BTG1: variants seen among roughly 807,000 people sequenced by gnomAD.
BTG1 encodes the protein protein BTG1.
In BTG1, 2 loss-of-function variants were observed where a neutral mutation model predicts 15.2. The ratio of observed to expected loss-of-function variants is 0.13; its 90% CI spans 0.05 to 0.41. The LOEUF is 0.41. Among genes scored for constraint, BTG1 ranks in the 10% least tolerant of loss-of-function variants. BTG1 has a pLI of 0.99. For missense variants in BTG1, 149 were observed against 215.0 expected, an observed-to-expected ratio of 0.69 and a Z score of 1.92; for synonymous variants, 109 against 82.4, an observed-to-expected ratio of 1.32 and a Z score of -1.75.
chr12:92,145,126 T>G lies in BTG1; in HGVS notation c.148+262A>C, dbSNP rs376908485. 1.7e-4 allele frequency: 58 copies of G among 341,992 alleles called. No individual in the cohort carries two copies. In the East Asian group the frequency reaches 3.0e-3, roughly 17 times the overall value. 21.2% of individuals were successfully genotyped at this position (341,992 alleles called of 1,614,324 possible). A position where few individuals can be genotyped will look rare whatever the true frequency, so the allele number is the denominator to read the frequency against. ...CCTCGGACCGCAGCTCCCGCCTCGGTGGGCTTAAGTTTCTTTGTTGTGCGT... is the reference window on the plus strand; with the variant it reads ...CCTCGGACCGCAGCTCCCGCCTCGGGGGGCTTAAGTTTCTTTGTTGTGCGT... On this transcript the variant is annotated intron_variant, in intron 1 of 1. Transcript: ENST00000256015.
Position 92,142,644 on chromosome 12 carries a change from A to G in BTG1, c.*1436T>C, listed in dbSNP as rs1260295864. On this transcript the variant is annotated 3_prime_UTR_variant, in exon 2 of 2. Transcript: ENST00000256015. The stretch of plus-strand genomic sequence containing the variant: ...TCCAGCTTATGTGATTTTTATGTAC[A>G]TCTTGCAGGTGATGAAAAGCAAAAA... 4.3e-6 allele frequency: 1 copy of G among 232,980 alleles called. No individual in the cohort carries two copies. The highest frequency in any genetic ancestry group is 8.5e-6 in the Non-Finnish European group (1 of 117,960). 14.4% of individuals were successfully genotyped at this position (232,980 alleles called of 1,614,324 possible). A position where few individuals can be genotyped will look rare whatever the true frequency, so the allele number is the denominator to read the frequency against.
Position 92,143,026 on chromosome 12 carries a change from C to G in BTG1, c.*1054G>C, listed in dbSNP as rs1870351746. 1 of 232,784 alleles carries G rather than the reference C, an allele frequency of 4.3e-6. No individual in the cohort carries two copies. Among genetic ancestry groups the G allele is most frequent in the South Asian group, 1.8e-4 (1 of 5,524 alleles). 14.4% of individuals were successfully genotyped at this position (232,784 alleles called of 1,614,324 possible). On this transcript the variant is annotated 3_prime_UTR_variant, in exon 2 of 2. Coordinates refer to ENST00000256015, the MANE Select transcript of BTG1 (RefSeq NM_001731.3). The stretch of plus-strand genomic sequence containing the variant: ...TCTTCATTCCTCATCAAATGTTTTT[C>G]CAGCATGACCAGTGTGCAACAGAGA...
rs572696774 is a variant in BTG1, at chr12:92,142,318, G to A, written c.*1762C>T. On this transcript the variant is annotated 3_prime_UTR_variant, in exon 2 of 2. Transcript: ENST00000256015. ...AATTACTAATTTTATTTCAGACTGC[G>A]TATTTCCAGTGTCAACATGTTTACA... 4.2e-4 allele frequency: 97 copies of A among 230,450 alleles called. No homozygotes were observed. The highest frequency in any genetic ancestry group is 1.0e-3 in the Admixed American group (18 of 17,716). 14.3% of individuals were successfully genotyped at this position (230,450 alleles called of 1,614,324 possible). A position where few individuals can be genotyped will look rare whatever the true frequency, so the allele number is the denominator to read the frequency against.
Position 92,145,611 on chromosome 12 carries a change from G to C in BTG1, c.-76C>G, listed in dbSNP as rs1454174640. On this transcript the variant is annotated 5_prime_UTR_variant, in exon 1 of 2. Coordinates refer to ENST00000256015, the MANE Select transcript of BTG1 (RefSeq NM_001731.3). ...CCCCGACGGCGGAGCAGCCACCCCG[G>C]GCTTCCTCACCGGGCGGAAGGCTGA... 9.2e-6 allele frequency: 10 copies of C among 1,092,384 alleles called. No homozygotes were observed. Among genetic ancestry groups the C allele is most frequent in the Non-Finnish European group, 1.2e-5 (10 of 849,400 alleles). The allele number at this position is 1,092,384 out of a possible 1,614,324, so 67.7% of individuals were successfully genotyped here.
rs1870281000 is a variant in BTG1, at chr12:92,142,202, C to T, written c.*1878G>A. 1 of 231,968 alleles carries T rather than the reference C, an allele frequency of 4.3e-6. No homozygotes were observed. Among genetic ancestry groups the T allele is most frequent in the South Asian group, 1.8e-4 (1 of 5,520 alleles). The allele number at this position is 231,968 out of a possible 1,614,324, so 14.4% of individuals were successfully genotyped here. On this transcript the variant is annotated 3_prime_UTR_variant, in exon 2 of 2. Transcript: ENST00000256015. ...TCTAAATACCTGCATATTCAGTGGC[C>T]TATTCCTGTGTTGTCTACAAAATCA... is the stretch of plus-strand genomic sequence containing the variant.
chr12:92,141,176 C>G lies in BTG1; in HGVS notation c.*2904G>C, dbSNP rs1015329956. 2 of 232,672 alleles carry G rather than the reference C, an allele frequency of 8.6e-6. No individual in the cohort carries two copies. The allele number at this position is 232,672 out of a possible 1,614,324, so 14.4% of individuals were successfully genotyped here. ...AATTTCATAAACTGCAACACCTATA[C>G]AAAACAAAATTAATTACTTGCAATG... is the stretch of plus-strand genomic sequence containing the variant. On this transcript the variant is annotated 3_prime_UTR_variant, in exon 2 of 2. Transcript: ENST00000256015.
rs1466307202 is a variant in BTG1 at position 92,141,883 on chromosome 12, A to G, written c.*2197T>C. The G allele has an allele frequency of 8.6e-6, 2 of 231,804 alleles. No homozygotes were observed. Among genetic ancestry groups the G allele is most frequent in the African/African-American group, 4.4e-5 (2 of 45,042 alleles). The allele number at this position is 231,804 out of a possible 1,614,324, so 14.4% of individuals were successfully genotyped here. A position where few individuals can be genotyped will look rare whatever the true frequency, so the allele number is the denominator to read the frequency against. On this transcript the variant is annotated 3_prime_UTR_variant, in exon 2 of 2. Coordinates refer to ENST00000256015, the MANE Select transcript of BTG1 (RefSeq NM_001731.3). Reference sequence around the variant, plus strand: ...ATCTTCAAAAACAACTTTCCATTTGAAAAAAGGCTTTATGATAAAAAAAAA... The same window carrying G: ...ATCTTCAAAAACAACTTTCCATTTGGAAAAAGGCTTTATGATAAAAAAAAA...
Position 92,143,736 on chromosome 12 carries a change from T to C in BTG1, c.*344A>G, listed in dbSNP as rs2136947729. The C allele has an allele frequency of 3.5e-6, 1 of 288,422 alleles. No homozygotes were observed. The highest frequency in any genetic ancestry group is 7.1e-5 in the South Asian group (1 of 14,044). 17.9% of individuals were successfully genotyped at this position (288,422 alleles called of 1,614,324 possible). On this transcript the variant is annotated 3_prime_UTR_variant, in exon 2 of 2. Transcript: ENST00000256015. ...GTGCAAATTCCCCTGCGAGATTTAC[T>C]GCAGAGAAAGATTCTTTGAAATACA... is the stretch of plus-strand genomic sequence containing the variant.
chr12:92,145,162 C>T, intron 1 of BTG1: 1 of 539,786 alleles, frequency 1.9e-6, no homozygotes, highest in Admixed American at 4.6e-5. Flanking sequence ...GTTGTCTTCT[C>T]CTCTCCGTTT....
At position 92,140,739 on chromosome 12, in the gene BTG1, TGA is replaced by T; in HGVS notation, c.*3339_*3340del. On this transcript the variant is annotated 3_prime_UTR_variant, in exon 2 of 2. Coordinates refer to ENST00000256015, the MANE Select transcript of BTG1 (RefSeq NM_001731.3). Reference sequence around the variant, plus strand: ...TATATAAAAGTTCAGTGGCAGAGACTGAGAGATAAGTCTAAAATGTTGGCAGT... The same window carrying T: ...TATATAAAAGTTCAGTGGCAGAGACTGAGATAAGTCTAAAATGTTGGCAGT... 2 of 232,412 alleles carry T rather than the reference TGA, an allele frequency of 8.6e-6. No individual in the cohort carries two copies. Among genetic ancestry groups the T allele is most frequent in the East Asian group, 1.2e-4 (2 of 16,398 alleles). The allele number at this position is 232,412 out of a possible 1,614,324, so 14.4% of individuals were successfully genotyped here.
Position 92,141,960 on chromosome 12 carries a change from G to C in BTG1, c.*2120C>G, listed in dbSNP as rs1198870023. 7 of 231,724 alleles carry C rather than the reference G, an allele frequency of 3.0e-5. No individual in the cohort carries two copies. The East Asian group carries it at 3.7e-4, about 12-fold the overall frequency. The allele number at this position is 231,724 out of a possible 1,614,324, so 14.4% of individuals were successfully genotyped here. A position where few individuals can be genotyped will look rare whatever the true frequency, so the allele number is the denominator to read the frequency against. On this transcript the variant is annotated 3_prime_UTR_variant, in exon 2 of 2. Coordinates refer to ENST00000256015, the MANE Select transcript of BTG1 (RefSeq NM_001731.3). ...GGAGTTACCAGATGAAATGTAGTTG[G>C]TAAACAACAGTAGTCAGCACTGGGG...
Position 92,142,393 on chromosome 12 carries a change from A to T in BTG1, c.*1687T>A, listed in dbSNP as rs1296109047. 4.3e-6 allele frequency: 1 copy of T among 231,394 alleles called. No individual in the cohort carries two copies. The highest frequency in any genetic ancestry group is 2.2e-5 in the African/African-American group (1 of 45,198). 14.3% of individuals were successfully genotyped at this position (231,394 alleles called of 1,614,324 possible). On this transcript the variant is annotated 3_prime_UTR_variant, in exon 2 of 2. Transcript: ENST00000256015. Reference sequence around the variant, plus strand: ...ATGTTAACTGTGTAGAGCAAAATTCAATTTTTCCACTTTCAATTTCCACTG... The same window carrying T: ...ATGTTAACTGTGTAGAGCAAAATTCTATTTTTCCACTTTCAATTTCCACTG...
In BTG1 at chr12:92,145,593, G is replaced by C; in HGVS notation, c.-58C>G. On this transcript the variant is annotated 5_prime_UTR_variant, in exon 1 of 2. Transcript: ENST00000256015. ...TGGGGCTCGGCGGCGCGGCCCCGACGGCGGAGCAGCCACCCCGGGCTTCCT... is the reference window on the plus strand; with the variant it reads ...TGGGGCTCGGCGGCGCGGCCCCGACCGCGGAGCAGCCACCCCGGGCTTCCT... 2 of 1,224,420 alleles carry C rather than the reference G, an allele frequency of 1.6e-6. No homozygotes were observed. The highest frequency in any genetic ancestry group is 1.0e-6 in the Non-Finnish European group (1 of 967,026). 75.8% of individuals were successfully genotyped at this position (1,224,420 alleles called of 1,614,324 possible). A position where few individuals can be genotyped will look rare whatever the true frequency, so the allele number is the denominator to read the frequency against.
chr12:92,145,579 G>A lies in BTG1; in HGVS notation c.-44C>T, dbSNP rs772328386. ...CGGCCCGGGGCGGCTGGGGCTCGGC[G>A]GCGCGGCCCCGACGGCGGAGCAGCC... On this transcript the variant is annotated 5_prime_UTR_variant, in exon 1 of 2. Transcript: ENST00000256015. The A allele has an allele frequency of 6.3e-5, 79 of 1,263,686 alleles. 1 individual carries two copies. The highest frequency in any genetic ancestry group is 7.7e-5 in the Non-Finnish European group (77 of 998,852). The allele number at this position is 1,263,686 out of a possible 1,614,324, so 78.3% of individuals were successfully genotyped here. A position where few individuals can be genotyped will look rare whatever the true frequency, so the allele number is the denominator to read the frequency against.
rs1446148467 is a variant in BTG1, at chr12:92,145,510, G to A, written c.26C>T (p.Ala9Val). 10 of 1,578,098 alleles carry A rather than the reference G, an allele frequency of 6.3e-6. No individual in the cohort carries two copies. Among genetic ancestry groups the A allele is most frequent in the Non-Finnish European group, 7.7e-6 (9 of 1,163,904 alleles). The stretch of plus-strand genomic sequence containing the variant: ...GGCGGCGATCTCGCCTATCATGGTG[G>A]CGGCCCGGGTGTAGAAGGGATGCAT... MHPFYTRA[A>V]TMIGEIAAAV... Residue 9 changes from alanine (A) to valine (V), a missense_variant, in exon 1 of 2, where the codon GCC becomes GTC. Physicochemically the swap from Ala to Val is moderately conservative, Grantham distance 64. This residue lies in a region of BTG1 where 63 missense variants were observed against 60.8 expected (regional missense o/e 1.04). Coordinates refer to ENST00000256015, the MANE Select transcript of BTG1 (RefSeq NM_001731.3).
chr12:92,144,372 T>C lies in BTG1; in HGVS notation c.224A>G (p.Lys75Arg), dbSNP rs1870442587. 1 of 1,614,208 alleles carries C rather than the reference T, an allele frequency of 6.2e-7. No individual in the cohort carries two copies. Among genetic ancestry groups the C allele is most frequent in the African/African-American group, 1.3e-5 (1 of 75,070 alleles). The part of the protein sequence containing the change: ...SGYRCIRINH[K>R]MDPLIGQAAQ... ...TGCCTGTCCAATCAGAGGATCCATTTTATGGTTGATGCGAATACAACGGTA... is the reference window on the plus strand; with the variant it reads ...TGCCTGTCCAATCAGAGGATCCATTCTATGGTTGATGCGAATACAACGGTA... The change falls in exon 2 of 2, where the codon AAA becomes AGA. Residue 75 changes from lysine (K) to arginine (R), a missense_variant. Transcript: ENST00000256015.
chr12:92,145,559 CGGGGCGGCTG>C lies in BTG1; in HGVS notation c.-34_-25del, dbSNP rs748486273. 7 of 1,382,564 alleles carry C rather than the reference CGGGGCGGCTG, an allele frequency of 5.1e-6. No individual in the cohort carries two copies. The highest frequency in any genetic ancestry group is 5.6e-5 in the Admixed American group (2 of 35,514). 85.6% of individuals were successfully genotyped at this position (1,382,564 alleles called of 1,614,324 possible). A position where few individuals can be genotyped will look rare whatever the true frequency, so the allele number is the denominator to read the frequency against. ...ATGGGGGCGGCGTGCGGGGGCGGCCCGGGGCGGCTGGGGCTCGGCGGCGCGGCCCCGACGG... is the reference window on the plus strand; with the variant it reads ...ATGGGGGCGGCGTGCGGGGGCGGCCCGGGCTCGGCGGCGCGGCCCCGACGG... On this transcript the variant is annotated 5_prime_UTR_variant, in exon 1 of 2. Transcript: ENST00000256015.
chr12:92,145,466 T>C lies in BTG1; in HGVS notation c.70A>G (p.Lys24Glu). 1 of 1,591,638 alleles carries C rather than the reference T, an allele frequency of 6.3e-7. No individual in the cohort carries two copies. The highest frequency in any genetic ancestry group is 8.5e-7 in the Non-Finnish European group (1 of 1,170,478). Residue 24 changes from lysine (K) to glutamate (E), a missense_variant, in exon 1 of 2, where the codon AAG becomes GAG. Lys to Glu is a moderately conservative substitution (Grantham distance 56). Around this residue, in one of 3 missense-constraint regions of BTG1, gnomAD observed 63 missense variants for 60.8 expected, o/e 1.04. Coordinates refer to ENST00000256015, the MANE Select transcript of BTG1 (RefSeq NM_001731.3). Reference protein sequence around the residue: ...EIAAAVSFISKFLRTKGLTSE... With the variant: ...EIAAAVSFISEFLRTKGLTSE... The stretch of plus-strand genomic sequence containing the variant: ...GTGAGCCCCTTGGTGCGGAGAAACT[T>C]GGAGATGAAGGACACGGCGGCGGCG...
In BTG1 at chr12:92,142,805, A is replaced by C. The variant is rs1870337327; in HGVS notation, c.*1275T>G. 1.3e-5 allele frequency: 3 copies of C among 233,088 alleles called. No homozygotes were observed. The highest frequency in any genetic ancestry group is 1.1e-4 in the Admixed American group (2 of 17,782). 14.4% of individuals were successfully genotyped at this position (233,088 alleles called of 1,614,324 possible). ...AAAGGTGGGTCAGAATGGAACATTT[A>C]TATCTTCACTTCAACAGGGAAGCAA... On this transcript the variant is annotated 3_prime_UTR_variant, in exon 2 of 2. Coordinates refer to ENST00000256015, the MANE Select transcript of BTG1 (RefSeq NM_001731.3).
Sources: allele counts gnomAD v4.1 joint callset, GRCh38; gene constraint gnomAD v4.1.1; regional missense constraint gnomAD v4.1.1; transcripts MANE v1.5; gene names NCBI Gene and HGNC (gene_info 2026-07-23, HGNC 2026-07-21).